ARHGAP32: variants seen among roughly 807,000 people sequenced by gnomAD.
The protein encoded by ARHGAP32 is Rho GTPase activating protein 32.
ARHGAP32 carries 51 observed loss-of-function variants against 186.5 expected under a neutral mutation model. The observed-to-expected ratio is 0.27, with a 90% CI of 0.22 to 0.35. The LOEUF (loss-of-function observed/expected upper bound fraction) is 0.35, where lower values mean the gene tolerates loss of function less well. Among genes scored for constraint, ARHGAP32 ranks in the 10% least tolerant of loss-of-function variants. The pLI is 1.00. For synonymous variants in ARHGAP32, 950 were observed against 964.3 expected (o/e 0.99, Z 0.27); for missense variants, 2,186 against 2,623.5 (o/e 0.83, Z 3.64).
chr11:129,183,667 C>T (rs1207563986), intron 1 of ARHGAP32, among the ~76,000 whole-genome samples: 4 of 152,048 alleles, frequency 2.6e-5, no homozygotes, highest in Non-Finnish European at 5.9e-5. Context: ...GAATGCTTGA[C>T]CATATCTTCA....
chr11:129,136,184 G>C (rs566883008), intron 2 of ARHGAP32, among the ~76,000 whole-genome samples: 1 of 152,082 alleles, frequency 6.6e-6, no homozygotes. Flanking sequence ...TTACAAAAGA[G>C]GATATCTCAA....
Position 129,077,092 on chromosome 11 carries a change from G to T in ARHGAP32, c.532-10224C>A, listed in dbSNP as rs184147923. Among the ~76,000 whole-genome samples the T allele has an allele frequency of 2.6e-5, 4 of 152,288 alleles. No individual in the cohort carries two copies. In the South Asian group the frequency reaches 8.3e-4, roughly 32 times the overall value. On this transcript the variant is annotated intron_variant, in intron 6 of 22. Transcript: ENST00000682385. ...AAAAGTAGAAGCAGCAGCTGGAAGA[G>T]CCCTGTAGACACTTTCCTGGGCACT...
intron 11 of ARHGAP32, among the ~76,000 whole-genome samples, chr11:129,031,703 C>G (rs1160017760): frequency 1.3e-5 from 2 of 152,220 alleles, no homozygotes; most frequent in Non-Finnish European, 2.9e-5. Context: ...GGGCCACACT[C>G]TCAAGCCTGG....
chr11:129,066,709 A>G, intron 7 of ARHGAP32, 22 bp downstream of exon 7: 1 of 1,608,584 alleles, frequency 6.2e-7, no homozygotes, highest in Non-Finnish European at 8.5e-7. Context: ...TTACCTCTGT[A>G]CTAAATGTAC....
intron 1 of ARHGAP32, among the ~76,000 whole-genome samples, chr11:129,273,876 A>G (rs1473990154): frequency 1.3e-5 from 2 of 152,140 alleles, no homozygotes; most frequent in African/African-American, 4.8e-5. Flanking sequence ...TCAAACAGAG[A>G]CAAATTGGAC....
At chr11:129,104,553 A>G (rs774450573) in intron 5 of ARHGAP32, among the ~76,000 whole-genome samples, 5 of 152,054 alleles carry the variant, frequency 3.3e-5, no homozygotes, top group Non-Finnish European at 7.4e-5. Context: ...AAAATTTTTA[A>G]ATGTCAATAA....
rs139790110 is a variant in ARHGAP32, at chr11:129,109,395, G to A, written c.444+14051C>T. Among the ~76,000 whole-genome samples the A allele has an allele frequency of 1.7e-3, 251 of 152,082 alleles. 1 individual carries two copies. Among genetic ancestry groups the A allele is most frequent in the Non-Finnish European group, 2.6e-3 (175 of 67,928 alleles). On this transcript the variant is annotated intron_variant, in intron 5 of 22. Transcript: ENST00000682385. The stretch of plus-strand genomic sequence containing the variant: ...TGCTGCAATAAACATGGGAGTGTGG[G>A]TATCAATCCGATACACTGATTTACT...
At chr11:129,239,601 T>G (rs1045836606) in intron 1 of ARHGAP32, among the ~76,000 whole-genome samples, 2 of 152,160 alleles carry the variant, frequency 1.3e-5, no homozygotes, top group South Asian at 2.1e-4. Context: ...AGAAGCACTT[T>G]CGACACCCAT....
At chr11:129,111,573 T>C (rs1249575724) in intron 5 of ARHGAP32, among the ~76,000 whole-genome samples, 1 of 152,208 alleles carries the variant, frequency 6.6e-6, no homozygotes, top group African/African-American at 2.4e-5. Context: ...TCAATCTCAT[T>C]ACTCCTTATT....
intron 5 of ARHGAP32, among the ~76,000 whole-genome samples, chr11:129,096,780 A>G (rs946721919): frequency 1.3e-5 from 2 of 152,228 alleles, no homozygotes; most frequent in Admixed American, 6.5e-5. Flanking sequence ...GCAGACATAA[A>G]GGGCCAACGC....
chr11:129,057,981 T>C (rs1326379041), intron 10 of ARHGAP32, among the ~76,000 whole-genome samples: 1 of 152,158 alleles, frequency 6.6e-6, no homozygotes, highest in East Asian at 1.9e-4. Flanking sequence ...TTCTGGTACC[T>C]TAACTTCTAG....
At chr11:129,021,956 G>C (rs1320116945) in intron 11 of ARHGAP32, among the ~76,000 whole-genome samples, 1 of 151,954 alleles carries the variant, frequency 6.6e-6, no homozygotes, top group Non-Finnish European at 1.5e-5. Context: ...TTTAAAATTG[G>C]AATGGGATAT....
chr11:129,199,869 G>A lies in ARHGAP32; in HGVS notation c.-4-35442C>T, dbSNP rs921290282. Among the ~76,000 whole-genome samples, 4 of 152,202 alleles carry A rather than the reference G, an allele frequency of 2.6e-5. 1 individual carries two copies. The highest frequency in any genetic ancestry group is 2.6e-4 in the Admixed American group (4 of 15,284). ...CACTCAATGCCAGCCTGTGAAAGCA[G>A]CCAGGAGGGAGGTTGTACCCTGCAA... On this transcript the variant is annotated intron_variant, in intron 1 of 6. Transcript: ENST00000525234.
intron 6 of ARHGAP32, among the ~76,000 whole-genome samples, chr11:129,088,948 T>C (rs1271529810): frequency 1.5e-5 from 2 of 135,058 alleles, no homozygotes; most frequent in Non-Finnish European, 3.0e-5. Flanking sequence ...TAGTGAACTG[T>C]GATCATGCCA....
intron 1 of ARHGAP32, among the ~76,000 whole-genome samples, chr11:129,270,043 T>TA (rs1165224396): frequency 1.2e-3 from 168 of 143,094 alleles, no homozygotes; most frequent in East Asian, 2.2e-3. Flanking sequence ...ACTTACTTAT[T>TA]AAAAAAAAAA....
At chr11:129,119,373 GT>G (rs1405525773) in intron 5 of ARHGAP32, among the ~76,000 whole-genome samples, 1 of 151,848 alleles carries the variant, frequency 6.6e-6, no homozygotes, top group African/African-American at 2.4e-5. Context: ...TACATAATTT[GT>G]TTTATAATAA....
At chr11:129,244,578 A>G (rs1945063912) in intron 1 of ARHGAP32, among the ~76,000 whole-genome samples, 4 of 152,168 alleles carry the variant, frequency 2.6e-5, no homozygotes, top group African/African-American at 9.7e-5. Context: ...AATGGCAACA[A>G]AAGACAAAAT....
At chr11:129,091,447 A>G (rs1236176286) in intron 6 of ARHGAP32, among the ~76,000 whole-genome samples, 3 of 152,138 alleles carry the variant, frequency 2.0e-5, no homozygotes, top group Non-Finnish European at 4.4e-5. Flanking sequence ...AGACTGAAAG[A>G]AATCAGTATC....
chr11:128,969,391 T>C lies in ARHGAP32; in HGVS notation c.5822A>G (p.Tyr1941Cys), dbSNP rs1945294071. ...TAAAGATTCTTGCCCGGATGCAGCA[T>C]ATTTTACTCCAGAGTTGTGGTAGCT... is the stretch of plus-strand genomic sequence containing the variant. The part of the protein sequence containing the change: ...PVSYHNSGVK[Y>C]AASGQESLRL... The change falls in exon 23 of 23, where the codon TAT (tyrosine) becomes TGT (cysteine). Residue 1941 changes from tyrosine (Y) to cysteine (C), a missense_variant. By Grantham distance (194) the Tyr-to-Cys change is radical (BLOSUM62 -2). Coordinates refer to ENST00000682385, the MANE Select transcript of ARHGAP32 (RefSeq NM_001378024.1). The surrounding 1 kb of genome is among the most constrained non-coding windows in gnomAD (Gnocchi z 4.8). 1 of 1,614,062 alleles carries C rather than the reference T, an allele frequency of 6.2e-7. No individual in the cohort carries two copies. The highest frequency in any genetic ancestry group is 1.3e-5 in the African/African-American group (1 of 74,928).
Sources: gnomAD v4.1 joint callset for allele counts (sites outside exome capture counted in the v4.1 genomes callset) on GRCh38, gnomAD v4.1.1 for gene constraint, Gnocchi (gnomAD v3.1) non-coding constraint, MANE v1.5 for transcripts, NCBI Gene and HGNC (gene_info 2026-07-23, HGNC 2026-07-21) for gene names.